WWOX: variants seen among roughly 807,000 people sequenced by gnomAD.
The protein encoded by WWOX is WW domain-containing oxidoreductase.
WWOX carries 69 observed loss-of-function variants against 46.2 expected under a neutral mutation model. The observed-to-expected ratio is 1.49, with a 90% CI of 1.23 to 1.82. WWOX has a LOEUF of 1.82. Ranked by LOEUF, WWOX falls within the 40% of genes most tolerant of loss-of-function variation. The pLI is 0.00. For missense variants in WWOX, 919 were observed against 542.6 expected (o/e 1.69, Z -6.89); for synonymous variants, 359 against 202.6 (o/e 1.77, Z -6.56).
intron 8 of WWOX, among the ~76,000 whole-genome samples, chr16:78,989,492 T>C (rs1232504540): frequency 6.6e-6 from 1 of 152,154 alleles, no homozygotes; most frequent in African/African-American, 2.4e-5. Context: ...ATAGCGCCCA[T>C]GGCTCCACCA....
intron 8 of WWOX, among the ~76,000 whole-genome samples, chr16:78,958,469 A>G (rs1317790640): frequency 1.3e-5 from 2 of 152,204 alleles, no homozygotes; most frequent in African/African-American, 4.8e-5. Flanking sequence ...GAGAGGTTTT[A>G]TGGTTCTGAA....
intron 8 of WWOX, among the ~76,000 whole-genome samples, chr16:78,607,639 T>TTCC (rs2045792382): frequency 9.1e-6 from 1 of 110,452 alleles, no homozygotes; most frequent in Admixed American, 1.2e-4. Context: ...GACTCATTTG[T>TTCC]TCTTCTTTTT....
intron 8 of WWOX, among the ~76,000 whole-genome samples, chr16:78,768,156 G>T (rs1245819970): frequency 1.8e-5 from 2 of 112,918 alleles, no homozygotes; most frequent in African/African-American, 6.1e-5. Flanking sequence ...AGGCTGCGGG[G>T]CGGGGGGGTC....
intron 8 of WWOX, among the ~76,000 whole-genome samples, chr16:78,967,278 G>A (rs1354258853): frequency 7.1e-6 from 1 of 141,466 alleles, no homozygotes; most frequent in African/African-American, 2.6e-5. Context: ...ACTCCTGCCT[G>A]CCGAGGCCTT....
At chr16:78,607,088 C>A (rs1028304466) in intron 8 of WWOX, among the ~76,000 whole-genome samples, 1 of 151,636 alleles carries the variant, frequency 6.6e-6, no homozygotes, top group Non-Finnish European at 1.5e-5. Context: ...GGAAGAGTTG[C>A]CAGAAATGGA....
At chr16:78,846,680 T>G (rs2052307412) in intron 8 of WWOX, among the ~76,000 whole-genome samples, 1 of 152,216 alleles carries the variant, frequency 6.6e-6, no homozygotes, top group Non-Finnish European at 1.5e-5. Flanking sequence ...ATTTCTCCAC[T>G]GTAAAGGATC....
chr16:79,193,627 G>T (rs1223003131), intron 8 of WWOX, among the ~76,000 whole-genome samples: 1 of 152,148 alleles, frequency 6.6e-6, no homozygotes, highest in Non-Finnish European at 1.5e-5. Flanking sequence ...TAAAAATATT[G>T]CAAATTGACC....
intron 8 of WWOX, among the ~76,000 whole-genome samples, chr16:79,114,645 G>A (rs2049478404): frequency 6.6e-6 from 1 of 152,124 alleles, no homozygotes; most frequent in Non-Finnish European, 1.5e-5. Context: ...CCTGAATAAA[G>A]AGAGAATAAA....
chr16:78,232,837 C>CT (rs1555506671), intron 5 of WWOX, among the ~76,000 whole-genome samples: 2 of 150,246 alleles, frequency 1.3e-5, no homozygotes, highest in African/African-American at 2.4e-5. Flanking sequence ...TTTTCTTTTT[C>CT]TTTCTTTTCT....
At chr16:78,358,776 T>C (rs2151911816) in intron 5 of WWOX, among the ~76,000 whole-genome samples, 1 of 152,062 alleles carries the variant, frequency 6.6e-6, no homozygotes, top group East Asian at 1.9e-4. Flanking sequence ...TTGTTCCTTG[T>C]GTCAGGAACA....
At chr16:78,722,688 G>C (rs923042991) in intron 8 of WWOX, among the ~76,000 whole-genome samples, 1 of 137,306 alleles carries the variant, frequency 7.3e-6, no homozygotes, top group Non-Finnish European at 1.6e-5. Context: ...AGGAACTGTA[G>C]TTTGTCTCTG....
chr16:78,743,851 G>A (rs1396379601), intron 8 of WWOX, among the ~76,000 whole-genome samples: 2 of 152,170 alleles, frequency 1.3e-5, no homozygotes, highest in Admixed American at 1.3e-4. Flanking sequence ...ACACCAAGTG[G>A]CCAATGGGAG....
chr16:78,792,854 C>T (rs981331100), intron 8 of WWOX, among the ~76,000 whole-genome samples: 13 of 152,040 alleles, frequency 8.6e-5, no homozygotes, highest in African/African-American at 1.2e-4. Flanking sequence ...CTGCTCACCC[C>T]GGGGATTTAG....
chr16:78,914,651 G>A (rs1033024793), intron 8 of WWOX, among the ~76,000 whole-genome samples: 2 of 151,728 alleles, frequency 1.3e-5, no homozygotes, highest in Admixed American at 6.6e-5. Context: ...AGGCGGAGGC[G>A]GGCAGATCAC....
intron 8 of WWOX, among the ~76,000 whole-genome samples, chr16:78,832,065 A>G (rs897913880): frequency 1.3e-5 from 2 of 151,914 alleles, no homozygotes; most frequent in Admixed American, 6.6e-5. Flanking sequence ...TTAGAATCTC[A>G]TTGTCTTTGT....
chr16:78,219,868 C>T (rs1201620131), intron 5 of WWOX, among the ~76,000 whole-genome samples: 1 of 151,998 alleles, frequency 6.6e-6, no homozygotes, highest in Non-Finnish European at 1.5e-5. Flanking sequence ...ACTGTGGTGA[C>T]GGTTTGCATA....
intron 5 of WWOX, among the ~76,000 whole-genome samples, chr16:78,376,353 AG>A (rs1373210763): frequency 2.6e-5 from 4 of 152,166 alleles, no homozygotes; most frequent in Middle Eastern, 3.2e-3. Flanking sequence ...TTTTAGGAAA[AG>A]TTGCACGATG....
intron 8 of WWOX, among the ~76,000 whole-genome samples, chr16:78,720,663 G>C (rs754045625): frequency 6.6e-6 from 1 of 151,948 alleles, no homozygotes; most frequent in Non-Finnish European, 1.5e-5. Flanking sequence ...ATGAGGCTCT[G>C]ACTATATAAC....
intron 8 of WWOX, among the ~76,000 whole-genome samples, chr16:79,184,414 C>A (rs1041702167): frequency 6.6e-6 from 1 of 152,200 alleles, no homozygotes; most frequent in South Asian, 2.1e-4. Flanking sequence ...TAATCAGTCA[C>A]CATGTAAGGA....
Sources: gnomAD v4.1 joint callset for allele counts (sites outside exome capture counted in the v4.1 genomes callset) on GRCh38, gnomAD v4.1.1 for gene constraint, MANE v1.5 for transcripts, NCBI Gene and HGNC (gene_info 2026-07-23, HGNC 2026-07-21) for gene names.